NELL2: variants seen among roughly 807,000 people sequenced by gnomAD.
NELL2 encodes the protein protein kinase C-binding protein NELL2.
NELL2 carries 41 observed loss-of-function variants against 109.6 expected under a neutral mutation model. That is an observed-to-expected ratio of 0.37 (90% confidence interval 0.29 to 0.49). NELL2 has a LOEUF of 0.49. Ranked by LOEUF, NELL2 falls within the 20% of genes least tolerant of loss-of-function variation. NELL2 has a pLI of 0.98. For missense variants in NELL2, 900 were observed against 1,008.3 expected, an observed-to-expected ratio of 0.89 and a Z score of 1.45; for synonymous variants, 355 against 344.7, an observed-to-expected ratio of 1.03 and a Z score of -0.33.
chr12:44,676,855 G>A (rs1352461499), intron 12 of NELL2, among the ~76,000 whole-genome samples: 2 of 151,714 alleles, frequency 1.3e-5, no homozygotes, highest in South Asian at 2.1e-4. Flanking sequence ...CCATATAATA[G>A]TTTCTGACTT....
intron 15 of NELL2, among the ~76,000 whole-genome samples, chr12:44,537,875 T>G (rs1407000676): frequency 6.6e-6 from 1 of 152,274 alleles, no homozygotes; most frequent in South Asian, 2.1e-4. Flanking sequence ...AGAAGACTGA[T>G]TTTCTCATGA....
chr12:44,665,445 A>T, intron 13 of NELL2, 39 bp downstream of exon 13: 5 of 1,543,656 alleles, frequency 3.2e-6, no homozygotes, highest in Non-Finnish European at 4.4e-6. Flanking sequence ...TAAACTTAAG[A>T]CATAAAAATA....
At chr12:44,762,249 C>G (rs1031785111) in intron 9 of NELL2, among the ~76,000 whole-genome samples, 1 of 152,112 alleles carries the variant, frequency 6.6e-6, no homozygotes, top group African/African-American at 2.4e-5. Context: ...TGATCTTAGC[C>G]ACTCTCCCAA....
rs747146018 is a variant in NELL2, at chr12:44,610,934, T to A, written c.1481A>T (p.Asp494Val). ...AGTGTTGAAGCATAAAGCATTTTCA[T>A]CACAGTTGTGCTGATTTGTGATACA... is the stretch of plus-strand genomic sequence containing the variant. Reference protein sequence around the residue: ...DECITNQHNCDENALCFNTVG... With the variant: ...DECITNQHNCVENALCFNTVG... The change falls in exon 14 of 20, where the codon GAT (aspartate) becomes GTT (valine). Residue 494 changes from aspartate to valine, a missense_variant. By Grantham distance (152) the Asp-to-Val change is radical. Around this residue, in one of 4 missense-constraint regions of NELL2, gnomAD observed 333 missense variants for 432.3 expected, o/e 0.77. Transcript: ENST00000429094. 9 of 1,612,838 alleles carry A rather than the reference T, an allele frequency of 5.6e-6. No individual in the cohort carries two copies. Among genetic ancestry groups the A allele is most frequent in the Non-Finnish European group, 7.6e-6 (9 of 1,179,104 alleles).
At chr12:44,584,116 T>C (rs1362786762) in intron 15 of NELL2, among the ~76,000 whole-genome samples, 1 of 152,226 alleles carries the variant, frequency 6.6e-6, no homozygotes, top group Non-Finnish European at 1.5e-5. Context: ...ATCTACACCA[T>C]AGACTAGGTC....
chr12:44,544,410 C>T (rs574779289), intron 15 of NELL2, among the ~76,000 whole-genome samples: 1 of 152,158 alleles, frequency 6.6e-6, no homozygotes, highest in Admixed American at 6.5e-5. Context: ...AACACACCCT[C>T]GTAAGCATGG....
chr12:44,551,482 T>G (rs1943042643), intron 15 of NELL2, among the ~76,000 whole-genome samples: 1 of 151,754 alleles, frequency 6.6e-6, no homozygotes, highest in South Asian at 2.1e-4. Context: ...GAGAGACAGA[T>G]CTGTATAGCA....
intron 15 of NELL2, among the ~76,000 whole-genome samples, chr12:44,590,635 AGT>A (rs1431598916): frequency 6.6e-6 from 1 of 152,204 alleles, no homozygotes; most frequent in Non-Finnish European, 1.5e-5. Flanking sequence ...AGTTTAAGAT[AGT>A]GTTATTGTAC....
Position 44,684,065 on chromosome 12 carries a change from G to C in NELL2, c.1319-18456C>G, listed in dbSNP as rs1476419691. Among the ~76,000 whole-genome samples the C allele has an allele frequency of 6.6e-5, 10 of 152,254 alleles. No homozygotes were observed. The East Asian group carries it at 1.2e-3, about 18-fold the overall frequency. On this transcript the variant is annotated intron_variant, in intron 12 of 19. Transcript: ENST00000429094. The stretch of plus-strand genomic sequence containing the variant: ...CATCTGGTCCTGGACTCTTTGGTTG[G>C]TAAGCTATTGATTATTGCCACAATT...
chr12:44,881,426 T>C (rs1238868330), intron 1 of NELL2, among the ~76,000 whole-genome samples: 1 of 151,792 alleles, frequency 6.6e-6, no homozygotes, highest in South Asian at 2.1e-4. Context: ...ACATAAAAGA[T>C]ATAGAGAAGA....
At position 44,785,277 on chromosome 12, in the gene NELL2, C is replaced by T. The variant is rs530342863; in HGVS notation, c.336-5255G>A. Among the ~76,000 whole-genome samples, 13 of 152,300 alleles carry T rather than the reference C, an allele frequency of 8.5e-5. 1 individual carries two copies. Among genetic ancestry groups the T allele is most frequent in the South Asian group, 6.2e-4 (3 of 4,828 alleles). On this transcript the variant is annotated intron_variant, in intron 3 of 19. Transcript: ENST00000429094. ...GCCAAATCATGAGTGAACTTCCATT[C>T]ACAATTGCTACAAAGAGAATAAAAT...
intron 2 of NELL2, among the ~76,000 whole-genome samples, chr12:44,858,040 CCT>C (rs1944733471): frequency 6.6e-6 from 1 of 152,136 alleles, no homozygotes; most frequent in African/African-American, 2.4e-5. Context: ...GGAGCATGAT[CCT>C]CTGATAAGCT....
chr12:44,568,070 G>A (rs1173720828), intron 15 of NELL2, among the ~76,000 whole-genome samples: 1 of 152,090 alleles, frequency 6.6e-6, no homozygotes. Context: ...AAAATATGTT[G>A]GGTGTAGTTG....
chr12:44,847,712 T>A (rs1944412985), intron 2 of NELL2, among the ~76,000 whole-genome samples: 1 of 151,724 alleles, frequency 6.6e-6, no homozygotes, highest in African/African-American at 2.4e-5. Context: ...GAGAAGAGAT[T>A]TTTTTTTCCT....
intron 13 of NELL2, among the ~76,000 whole-genome samples, chr12:44,662,835 G>A (rs1167513682): frequency 1.3e-5 from 2 of 151,974 alleles, no homozygotes; most frequent in Non-Finnish European, 2.9e-5. Flanking sequence ...TCTGTTAGCA[G>A]GGGGCTCATT....
At chr12:44,793,916 T>A (rs1326552957) in intron 3 of NELL2, among the ~76,000 whole-genome samples, 3 of 152,120 alleles carry the variant, frequency 2.0e-5, no homozygotes. Flanking sequence ...AATATGATAA[T>A]TGTATAGTTG....
At chr12:44,854,810 T>C (rs1444694731) in intron 2 of NELL2, among the ~76,000 whole-genome samples, 2 of 151,742 alleles carry the variant, frequency 1.3e-5, no homozygotes, top group African/African-American at 2.4e-5. Flanking sequence ...AAAAAAAAAG[T>C]TACTTAAATG....
Position 44,610,667 on chromosome 12 carries a change from A to G in NELL2, c.1567+181T>C, listed in dbSNP as rs11182558. Among the ~76,000 whole-genome samples, 185 of 152,150 alleles carry G rather than the reference A, an allele frequency of 1.2e-3. 3 individuals are homozygous for G. In the East Asian group the frequency reaches 0.026, roughly 22 times the overall value. On this transcript the variant is annotated intron_variant, in intron 14 of 19. Transcript: ENST00000429094. ...AGCTGAATGGTTTGGTCACTTAAAC[A>G]CTGAAGTAACCCAGGAGGATGTCAA...
chr12:44,633,726 C>T (rs748609111), intron 13 of NELL2, among the ~76,000 whole-genome samples: 20 of 152,072 alleles, frequency 1.3e-4, no homozygotes, highest in Non-Finnish European at 2.6e-4. Flanking sequence ...TTTTCTTACC[C>T]ACCCCTAATA....
Sources: gnomAD v4.1 joint callset for allele counts (sites outside exome capture counted in the v4.1 genomes callset) on GRCh38, gnomAD v4.1.1 for gene constraint, gnomAD v4.1.1 regional missense constraint, MANE v1.5 for transcripts, NCBI Gene and HGNC (gene_info 2026-07-23, HGNC 2026-07-21) for gene names.